ESYT2: variants seen among roughly 807,000 people sequenced by gnomAD.
ESYT2 encodes the protein extended synaptotagmin-2.
ESYT2 carries 54 observed loss-of-function variants against 107.2 expected under a neutral mutation model. The ratio of observed to expected loss-of-function variants is 0.50; its 90% CI spans 0.40 to 0.63. The LOEUF (loss-of-function observed/expected upper bound fraction) is 0.63. Ranked by LOEUF, ESYT2 falls within the 30% of genes least tolerant of loss-of-function variation. ESYT2 has a pLI of 0.00. For missense variants in ESYT2, 1,020 were observed against 1,094.5 expected, an observed-to-expected ratio of 0.93 and a Z score of 0.96; for synonymous variants, 491 against 434.1, an observed-to-expected ratio of 1.13 and a Z score of -1.63.
chr7:158,822,738 G>A (rs1023288440), intron 1 of ESYT2, among the ~76,000 whole-genome samples: 1 of 152,132 alleles, frequency 6.6e-6, no homozygotes, highest in African/African-American at 2.4e-5. Context: ...TCAAGCCTAG[G>A]AGTTCGAGGC....
chr7:158,737,300 A>T, intron 19 of ESYT2, 121 bp from the exon 20 acceptor site: 1 of 1,334,412 alleles, frequency 7.5e-7, no homozygotes, highest in African/African-American at 1.5e-5. Context: ...AGAAGCAACA[A>T]GGAACAGAAT....
chr7:158,787,415 A>C (rs1342335231), intron 6 of ESYT2, among the ~76,000 whole-genome samples: 2 of 152,208 alleles, frequency 1.3e-5, no homozygotes, highest in Non-Finnish European at 2.9e-5. Context: ...CCTGTATATA[A>C]AACTGTGTGT....
intron 1 of ESYT2, among the ~76,000 whole-genome samples, chr7:158,815,802 A>G (rs1308588988): frequency 6.6e-6 from 1 of 152,248 alleles, no homozygotes; most frequent in Non-Finnish European, 1.5e-5. Context: ...GATGTGATCA[A>G]TTATAAGCTG....
chr7:158,824,345 T>G (rs1163932697), intron 1 of ESYT2, among the ~76,000 whole-genome samples: 1 of 152,274 alleles, frequency 6.6e-6, no homozygotes, highest in African/African-American at 2.4e-5. Flanking sequence ...GCTCCTGAAT[T>G]AGCTATGCCA....
At chr7:158,756,442 C>T (rs969706464) in intron 13 of ESYT2, among the ~76,000 whole-genome samples, 3 of 152,234 alleles carry the variant, frequency 2.0e-5, no homozygotes, top group South Asian at 2.1e-4. Context: ...ACTTAATATA[C>T]TTTTCTTCTC....
At chr7:158,794,106 A>G (rs1839387925) in intron 3 of ESYT2, among the ~76,000 whole-genome samples, 1 of 152,248 alleles carries the variant, frequency 6.6e-6, no homozygotes, top group South Asian at 2.1e-4. Context: ...CTTCACATCT[A>G]ACTTGACCCT....
At chr7:158,783,678 T>C (rs1839007121) in intron 6 of ESYT2, among the ~76,000 whole-genome samples, 2 of 152,008 alleles carry the variant, frequency 1.3e-5, no homozygotes, top group African/African-American at 4.8e-5. Flanking sequence ...ACAAAACAAG[T>C]GAGACGACTC....
chr7:158,740,613 T>C (rs62478929), intron 18 of ESYT2, among the ~76,000 whole-genome samples: 36,316 of 152,134 alleles, frequency 0.24, 5,234 homozygotes, highest in East Asian at 0.59. Context: ...TGGTCTTGTT[T>C]GTTCAGTGGC....
At chr7:158,816,399 A>G (rs1348175418) in intron 1 of ESYT2, among the ~76,000 whole-genome samples, 1 of 152,208 alleles carries the variant, frequency 6.6e-6, no homozygotes, top group Non-Finnish European at 1.5e-5. Flanking sequence ...CAGAGATTTG[A>G]CAAAACAGAA....
In ESYT2 at chr7:158,824,073, C is replaced by T. The variant is rs140347629; in HGVS notation, c.330+5016G>A. Among the ~76,000 whole-genome samples the T allele has an allele frequency of 1.8e-3, 274 of 152,186 alleles. 3 individuals carry two copies. Among genetic ancestry groups the T allele is most frequent in the Admixed American group, 7.2e-3 (110 of 15,286 alleles). On this transcript the variant is annotated intron_variant, in intron 1 of 22. Transcript: ENST00000275418. Reference sequence around the variant, plus strand: ...TCTATTTTTTAGCTTAAACTAAAAACCTGATATTTACTGCTTTATTTTTAG... The same window carrying T: ...TCTATTTTTTAGCTTAAACTAAAAATCTGATATTTACTGCTTTATTTTTAG...
intron 1 of ESYT2, among the ~76,000 whole-genome samples, chr7:158,800,804 C>CCA (rs1563029090): frequency 6.6e-6 from 1 of 151,636 alleles, no homozygotes; most frequent in Non-Finnish European, 1.5e-5. Flanking sequence ...TCTCGACTCG[C>CCA]CACAACCTCC....
intron 14 of ESYT2, among the ~76,000 whole-genome samples, chr7:158,750,518 C>A (rs185507237): frequency 6.6e-5 from 10 of 152,250 alleles, no homozygotes; most frequent in Admixed American, 4.6e-4. Flanking sequence ...AGAGTCAAGA[C>A]TCAACAATAC....
Position 158,761,539 on chromosome 7 carries a change from A to C in ESYT2, c.1190T>G (p.Met397Arg), listed in dbSNP as rs145682972. Residue 397 changes from methionine (M) to arginine (R), a missense_variant, in exon 11 of 23, where the codon ATG becomes AGG. Met to Arg is a moderately conservative substitution (Grantham distance 91, BLOSUM62 -1). Coordinates refer to ENST00000275418, the MANE Select transcript of ESYT2 (RefSeq NM_001367773.1). Reference sequence around the variant, plus strand: ...CTTTTCAACTTCAATGAGGTCAATCATAAGACTATAAAAATAACAATACGA... The same window carrying C: ...CTTTTCAACTTCAATGAGGTCAATCCTAAGACTATAAAAATAACAATACGA... ...PDKDDFLGSL[M>R]IDLIEVEKER... 4 of 1,613,572 alleles carry C rather than the reference A, an allele frequency of 2.5e-6. No homozygotes were observed. The African/African-American group carries it at 4.0e-5, about 16-fold the overall frequency.
intron 10 of ESYT2, among the ~76,000 whole-genome samples, chr7:158,762,214 C>T (rs953058833): frequency 1.4e-4 from 22 of 152,108 alleles, no homozygotes; most frequent in African/African-American, 5.3e-4. Flanking sequence ...CCTCTTCTGC[C>T]CCCCACAATC....
At chr7:158,751,405 T>C (rs1837579195) in intron 14 of ESYT2, among the ~76,000 whole-genome samples, 1 of 152,228 alleles carries the variant, frequency 6.6e-6, no homozygotes, top group Non-Finnish European at 1.5e-5. Flanking sequence ...TATGATGCAA[T>C]ATTCAAAATC....
At chr7:158,802,863 C>G (rs1207367206) in intron 1 of ESYT2, among the ~76,000 whole-genome samples, 1 of 152,144 alleles carries the variant, frequency 6.6e-6, no homozygotes, top group Non-Finnish European at 1.5e-5. Flanking sequence ...AAACAAAATG[C>G]CACTAAACAT....
intron 15 of ESYT2, among the ~76,000 whole-genome samples, chr7:158,748,641 C>G (rs1837483797): frequency 1.3e-5 from 2 of 152,090 alleles, no homozygotes; most frequent in Non-Finnish European, 2.9e-5. Context: ...AGCACTTGGG[C>G]ACGTCTCTTA....
Position 158,753,756 on chromosome 7 carries a change from A to T in ESYT2, c.1420-913T>A, listed in dbSNP as rs76639517. 2.2e-4 allele frequency among the ~76,000 whole-genome samples: 34 copies of T among 151,846 alleles called. 1 individual carries two copies. Among genetic ancestry groups the T allele is most frequent in the South Asian group, 1.9e-3 (9 of 4,782 alleles). ...CACATGACCCTAAAGCTGCCGGTGG[A>T]GCTCTCAAAAGTCCCTAGATCCACT... On this transcript the variant is annotated intron_variant, in intron 13 of 22. Transcript: ENST00000275418.
At position 158,824,708 on chromosome 7, in the gene ESYT2, A is replaced by G. The variant is rs118086295; in HGVS notation, c.330+4381T>C. On this transcript the variant is annotated intron_variant, in intron 1 of 22. Transcript: ENST00000275418. ...AAGTAGTATTATCCGTGACAGTATTATCCATAGCAGCCATACAATCAGCAT... is the reference window on the plus strand; with the variant it reads ...AAGTAGTATTATCCGTGACAGTATTGTCCATAGCAGCCATACAATCAGCAT... 5.1e-4 allele frequency among the ~76,000 whole-genome samples: 78 copies of G among 152,382 alleles called. 1 individual carries two copies. In the East Asian group the frequency reaches 0.015, roughly 29 times the overall value.
Sources: allele counts gnomAD v4.1 joint callset (sites outside exome capture counted in the v4.1 genomes callset), GRCh38; gene constraint gnomAD v4.1.1; transcripts MANE v1.5; gene names NCBI Gene and HGNC (gene_info 2026-07-23, HGNC 2026-07-21).